The following ANKRD11 variants were observed in gnomAD, a reference collection of about 807,000 sequenced individuals.
The protein encoded by ANKRD11 is ankyrin repeat domain 11, also known as ankyrin repeat domain-containing protein 11.
ANKRD11 carries 17 observed loss-of-function variants against 195.7 expected under a neutral mutation model. That is an observed-to-expected ratio of 0.09 (90% CI 0.06 to 0.13). The LOEUF is 0.13. ANKRD11 is among the 10% of genes least tolerant of loss of function. The pLI, the probability that ANKRD11 is intolerant of heterozygous loss-of-function variation, is 1.00. For missense variants in ANKRD11, 3,735 were observed against 3,566.1 expected (o/e 1.05, Z -1.21); for synonymous variants, 1,953 against 1,528.1 (o/e 1.28, Z -6.49).
chr16:89,336,456 A>C, intron 2 of ANKRD11, among the ~76,000 whole-genome samples: 1 of 152,240 alleles, frequency 6.6e-6, no homozygotes. Context: ...CCAGGTGAAC[A>C]CTGAAGGAGG....
Position 89,283,764 on chromosome 16 carries a change from C to G in ANKRD11, c.2778G>C (p.Lys926Asn). 1 of 1,613,554 alleles carries G rather than the reference C, an allele frequency of 6.2e-7. No homozygotes were observed. Among genetic ancestry groups the G allele is most frequent in the Non-Finnish European group, 8.5e-7 (1 of 1,179,716 alleles). Residue 926 changes from lysine (K) to asparagine (N), a missense_variant, in exon 9 of 13, where the codon AAG (lysine) becomes AAC (asparagine). By Grantham distance (94) the Lys-to-Asn change is moderately conservative (BLOSUM62 0). Transcript: ENST00000301030. The surrounding 1 kb of genome is among the most constrained non-coding windows in gnomAD (Gnocchi z 4.3). ...NSEKRKEQTEKHKSVPGYLSE... is the reference protein window; with the variant it reads ...NSEKRKEQTENHKSVPGYLSE... ...AAAGGTAGCCAGGGACACTTTTATG[C>G]TTTTCGGTCTGCTCTTTCCTCTTCT...
chr16:89,427,749 A>C (rs2042776028), intron 1 of ANKRD11, among the ~76,000 whole-genome samples: 1 of 151,906 alleles, frequency 6.6e-6, no homozygotes, highest in Non-Finnish European at 1.5e-5. Context: ...CAGTGAGCTG[A>C]GATCGTGCCA....
At chr16:89,303,581 G>A (rs2035978978) in intron 4 of ANKRD11, among the ~76,000 whole-genome samples, 1 of 152,170 alleles carries the variant, frequency 6.6e-6, no homozygotes. Context: ...CCCCAGATGT[G>A]CTGGCCCAGA....
At chr16:89,376,363 C>A (rs1348568562) in intron 2 of ANKRD11, among the ~76,000 whole-genome samples, 1 of 152,158 alleles carries the variant, frequency 6.6e-6, no homozygotes, top group African/African-American at 2.4e-5. Flanking sequence ...CTTCTGCCAA[C>A]CAAGAGGTAG....
intron 2 of ANKRD11, among the ~76,000 whole-genome samples, chr16:89,400,793 G>A (rs1037919696): frequency 4.7e-5 from 7 of 149,426 alleles, no homozygotes; most frequent in South Asian, 2.1e-4. Flanking sequence ...GCTGGGGGCC[G>A]GTCATCTGCT....
At chr16:89,371,231 C>T (rs1023175333) in intron 2 of ANKRD11, among the ~76,000 whole-genome samples, 2 of 152,210 alleles carry the variant, frequency 1.3e-5, no homozygotes, top group Non-Finnish European at 2.9e-5. Flanking sequence ...TTCGCAAATA[C>T]TCACTGAAGA....
intron 1 of ANKRD11, among the ~76,000 whole-genome samples, chr16:89,430,405 C>T (rs942854243): frequency 2.0e-5 from 3 of 147,528 alleles, no homozygotes; most frequent in African/African-American, 5.1e-5. Context: ...TCAACTCTCA[C>T]GCTCAGTCGT....
intron 2 of ANKRD11, among the ~76,000 whole-genome samples, chr16:89,346,250 G>GAAAAAAAAAAAAAAAAA (rs35573539): frequency 1.0e-5 from 1 of 96,878 alleles, no homozygotes; most frequent in African/African-American, 4.1e-5. Context: ...CCCGTCTCAG[G>GAAAAAAAAAAAAAAAAA]AAAAAAAAAA....
intron 2 of ANKRD11, among the ~76,000 whole-genome samples, chr16:89,353,378 A>G (rs761433634): frequency 4.6e-5 from 7 of 151,998 alleles, no homozygotes; most frequent in Non-Finnish European, 1.0e-4. Context: ...GAGAGAAAGT[A>G]AACAAAGTTT....
chr16:89,296,813 G>A (rs1231973142), intron 4 of ANKRD11, among the ~76,000 whole-genome samples: 1 of 152,196 alleles, frequency 6.6e-6, no homozygotes, highest in African/African-American at 2.4e-5. Flanking sequence ...GGGGCCCCAG[G>A]GAGTGTGGGG....
In ANKRD11 at chr16:89,280,498, T is replaced by C. The variant is rs770628197; in HGVS notation, c.6044A>G (p.Tyr2015Cys). Residue 2015 changes from tyrosine to cysteine, a missense_variant, in exon 9 of 13, where the codon TAC becomes TGC. Coordinates refer to ENST00000301030, the MANE Select transcript of ANKRD11 (RefSeq NM_013275.6). ...PGPFSASEAP[Y>C]PAPPASPAPY... ...GGCAGGAGAGGCGGGAGGGGCGGGGTACGGCGCCTCCGAGGCGCTGAAGGG... is the reference window on the plus strand; with the variant it reads ...GGCAGGAGAGGCGGGAGGGGCGGGGCACGGCGCCTCCGAGGCGCTGAAGGG... 1.3e-6 allele frequency: 2 copies of C among 1,544,964 alleles called. No individual in the cohort carries two copies. Among genetic ancestry groups the C allele is most frequent in the South Asian group, 1.2e-5 (1 of 80,092 alleles).
intron 2 of ANKRD11, among the ~76,000 whole-genome samples, chr16:89,337,611 G>C (rs1438439887): frequency 1.3e-5 from 2 of 151,286 alleles, no homozygotes; most frequent in East Asian, 3.9e-4. Context: ...TAATTTTTTT[G>C]TATTTTTTAT....
intron 2 of ANKRD11, chr16:89,373,095 A>G (rs896581969): frequency 2.0e-5 from 3 of 152,224 alleles, no homozygotes; most frequent in African/African-American, 4.8e-5. Context: ...CTCCCGCTGC[A>G]TATCACCGGG....
At chr16:89,315,978 G>C (rs1483278425) in intron 3 of ANKRD11, among the ~76,000 whole-genome samples, 2 of 152,280 alleles carry the variant, frequency 1.3e-5, no homozygotes, top group South Asian at 4.2e-4. Flanking sequence ...AGAGCAACCG[G>C]CAACCAGGAA....
rs139870106 is a variant in ANKRD11, at chr16:89,334,832, C to T, written c.-59-17754G>A. Among the ~76,000 whole-genome samples the T allele has an allele frequency of 7.2e-5, 11 of 152,248 alleles. No homozygotes were observed. In the East Asian group the frequency reaches 9.7e-4, roughly 13 times the overall value. On this transcript the variant is annotated intron_variant, in intron 2 of 12. Transcript: ENST00000301030. The stretch of plus-strand genomic sequence containing the variant: ...ATGAGTCCAGGTGGCCCACAACACA[C>T]GGGGCGCACGTGTCCATAGACAGCA...
intron 2 of ANKRD11, among the ~76,000 whole-genome samples, chr16:89,385,448 G>T (rs1048835977): frequency 7.9e-5 from 12 of 152,062 alleles, no homozygotes; most frequent in Admixed American, 5.9e-4. Context: ...GGTTTTCTAT[G>T]GCAGAGCAGA....
intron 2 of ANKRD11, among the ~76,000 whole-genome samples, chr16:89,386,520 G>A (rs930143981): frequency 2.0e-5 from 3 of 152,192 alleles, no homozygotes; most frequent in Non-Finnish European, 4.4e-5. Context: ...TGGGGGAAAG[G>A]GGGCTCTTCT....
intron 2 of ANKRD11, among the ~76,000 whole-genome samples, chr16:89,350,930 A>G (rs2039184820): frequency 6.6e-6 from 1 of 152,200 alleles, no homozygotes. Flanking sequence ...AGGGTGACTC[A>G]GCAACAGGCT....
At chr16:89,477,360 T>G (rs74352834) in intron 1 of ANKRD11, among the ~76,000 whole-genome samples, 1 of 151,690 alleles carries the variant, frequency 6.6e-6, no homozygotes, top group Non-Finnish European at 1.5e-5. Flanking sequence ...GCGTAATTTC[T>G]TTTTTTTCTC....
Sources: gnomAD v4.1 joint callset for allele counts (sites outside exome capture counted in the v4.1 genomes callset) on GRCh38, gnomAD v4.1.1 for gene constraint, Gnocchi (gnomAD v3.1) non-coding constraint, MANE v1.5 for transcripts, NCBI Gene and HGNC (gene_info 2026-07-23, HGNC 2026-07-21) for gene names.